The following DNAH11 variants were observed in gnomAD, a reference collection of about 807,000 sequenced individuals.
The protein encoded by DNAH11 is dynein axonemal heavy chain 11.
In DNAH11, 442 loss-of-function variants were observed where a neutral mutation model predicts 526.0. That is an observed-to-expected ratio of 0.84 (90% CI 0.78 to 0.91). DNAH11 has a LOEUF of 0.91. Ranked by LOEUF, DNAH11 falls within the 40% of genes least tolerant of loss-of-function variation. The pLI is 0.00. For synonymous variants in DNAH11, 2,461 were observed against 1,935.9 expected (o/e 1.27, Z -7.12); for missense variants, 6,989 against 5,448.7 (o/e 1.28, Z -8.90).
intron 8 of DNAH11, among the ~76,000 whole-genome samples, chr7:21,575,114 T>C (rs1784039167): frequency 6.6e-6 from 1 of 152,102 alleles, no homozygotes; most frequent in Admixed American, 6.5e-5. Flanking sequence ...TGGCCTCAAG[T>C]GATCCACCTG....
intron 65 of DNAH11, among the ~76,000 whole-genome samples, chr7:21,838,363 T>C (rs1782072833): frequency 6.6e-6 from 1 of 152,206 alleles, no homozygotes; most frequent in African/African-American, 2.4e-5. Context: ...TGTTCCCTTT[T>C]TTTGGTAGCA....
chr7:21,796,242 A>T (rs1032610916), intron 61 of DNAH11, among the ~76,000 whole-genome samples: 7 of 152,212 alleles, frequency 4.6e-5, no homozygotes, highest in Non-Finnish European at 8.8e-5. Context: ...GCAAACGTAG[A>T]TTCAGTGGGC....
chr7:21,779,284 C>T lies in DNAH11; in HGVS notation c.9483+180C>T, dbSNP rs547582521. ...CCACTTGACCTTTCTTTACATTATGCATTTCCCCAACCTTTTAGCTCTTTT... is the reference window on the plus strand; with the variant it reads ...CCACTTGACCTTTCTTTACATTATGTATTTCCCCAACCTTTTAGCTCTTTT... On this transcript the variant is annotated intron_variant, in intron 57 of 81. Transcript: ENST00000409508. Among the ~76,000 whole-genome samples the T allele has an allele frequency of 4.6e-5, 7 of 152,298 alleles. No homozygotes were observed. The South Asian group carries it at 1.2e-3, about 27-fold the overall frequency.
chr7:21,593,421 G>A (rs62441722), intron 14 of DNAH11, among the ~76,000 whole-genome samples: 22,148 of 152,140 alleles, frequency 0.15, 1,649 homozygotes, highest in East Asian at 0.19. Flanking sequence ...TCTGCTGTGT[G>A]GCAAACCAAC....
Position 21,738,879 on chromosome 7 carries a change from C to G in DNAH11, c.7811+13C>G, listed in dbSNP as rs759247741. 6.4e-6 allele frequency: 10 copies of G among 1,564,728 alleles called. No homozygotes were observed. Among genetic ancestry groups the G allele is most frequent in the Non-Finnish European group, 7.8e-6 (9 of 1,159,284 alleles). ...ATTATGGACATTGGTAAGCAAGTCT[C>G]TGTAGTTTACTCTCTCCCAAAATCT... On this transcript the variant is annotated intron_variant, in intron 47 of 81. Transcript: ENST00000409508.
chr7:21,704,209 G>C (rs953962663), intron 37 of DNAH11, among the ~76,000 whole-genome samples: 1 of 152,152 alleles, frequency 6.6e-6, no homozygotes, highest in African/African-American at 2.4e-5. Flanking sequence ...CCTCTTTGCT[G>C]TTCTTATTCT....
At chr7:21,551,623 A>G (rs1036214313) in intron 2 of DNAH11, among the ~76,000 whole-genome samples, 2 of 152,192 alleles carry the variant, frequency 1.3e-5, no homozygotes, top group Admixed American at 1.3e-4. Flanking sequence ...TTCTCACACA[A>G]GAAGTGTTTA....
chr7:21,865,895 A>G (rs1344793002), intron 70 of DNAH11, among the ~76,000 whole-genome samples: 2 of 152,226 alleles, frequency 1.3e-5, no homozygotes, highest in Non-Finnish European at 2.9e-5. Flanking sequence ...TAGACTTTAT[A>G]GGGTAACTTC....
At chr7:21,776,483 G>A (rs1787677011) in intron 56 of DNAH11, among the ~76,000 whole-genome samples, 1 of 152,196 alleles carries the variant, frequency 6.6e-6, no homozygotes, top group African/African-American at 2.4e-5. Context: ...CTAAGGGTCT[G>A]CCTTAAGGAA....
chr7:21,821,543 T>C (rs1247064373), intron 65 of DNAH11, among the ~76,000 whole-genome samples: 1 of 152,156 alleles, frequency 6.6e-6, no homozygotes, highest in African/African-American at 2.4e-5. Flanking sequence ...GAAAACCTAG[T>C]TTCTTAAACA....
chr7:21,861,030 T>C (rs1261440122), intron 68 of DNAH11, among the ~76,000 whole-genome samples: 3 of 152,184 alleles, frequency 2.0e-5, no homozygotes. Context: ...ATGGGAATTA[T>C]GGGAGCTATA....
chr7:21,690,984 G>A, intron 35 of DNAH11, 103 bp downstream of exon 35: 2 of 814,618 alleles, frequency 2.5e-6, no homozygotes, highest in Non-Finnish European at 4.0e-6. Context: ...AATTCCTAAG[G>A]AAAATCCTAT....
intron 20 of DNAH11, among the ~76,000 whole-genome samples, chr7:21,612,085 A>G (rs1785542678): frequency 1.3e-5 from 2 of 152,242 alleles, no homozygotes; most frequent in South Asian, 4.1e-4. Flanking sequence ...TCAAAAATAT[A>G]GAGCACTATT....
chr7:21,695,211 A>G (rs1049675169), intron 35 of DNAH11, among the ~76,000 whole-genome samples: 2 of 152,216 alleles, frequency 1.3e-5, no homozygotes, highest in Admixed American at 6.5e-5. Flanking sequence ...TCAAGCTACC[A>G]TTGACTTTCT....
intron 28 of DNAH11, among the ~76,000 whole-genome samples, chr7:21,639,556 T>C (rs1411254784): frequency 2.0e-5 from 3 of 152,320 alleles, no homozygotes; most frequent in East Asian, 1.9e-4. Flanking sequence ...CCTCTAATTT[T>C]CCCCTATCTC....
intron 18 of DNAH11, among the ~76,000 whole-genome samples, chr7:21,604,765 A>G (rs369639197): frequency 7.2e-5 from 11 of 152,266 alleles, no homozygotes; most frequent in African/African-American, 1.4e-4. Context: ...AGGGGACCTG[A>G]GCTCATGGAT....
intron 20 of DNAH11, among the ~76,000 whole-genome samples, chr7:21,613,893 G>A (rs114818549): frequency 0.07 from 10,557 of 151,482 alleles, 486 homozygotes; most frequent in African/African-American, 0.13. Flanking sequence ...TCAGCCTCCC[G>A]AGTAACTGGG....
At position 21,895,138 on chromosome 7, in the gene DNAH11, C is replaced by T. The variant is rs183710259; in HGVS notation, c.13049+139C>T. 325 of 699,238 alleles carry T rather than the reference C, an allele frequency of 4.6e-4. 1 individual carries two copies. Among genetic ancestry groups the T allele is most frequent in the East Asian group, 8.2e-5 (3 of 36,442 alleles). The allele number at this position is 699,238 out of a possible 1,614,324, so 43.3% of individuals were successfully genotyped here. A position where few individuals can be genotyped will look rare whatever the true frequency, so the allele number is the denominator to read the frequency against. On this transcript the variant is annotated intron_variant, in intron 79 of 81. Transcript: ENST00000409508. ...CCTGTAACCGTAAAAAATTCTTCCACCAATTTCATTTGAGTTTACTTGGTA... is the reference window on the plus strand; with the variant it reads ...CCTGTAACCGTAAAAAATTCTTCCATCAATTTCATTTGAGTTTACTTGGTA...
intron 2 of DNAH11, among the ~76,000 whole-genome samples, chr7:21,551,810 C>T (rs1783034373): frequency 6.6e-6 from 1 of 152,158 alleles, no homozygotes; most frequent in Non-Finnish European, 1.5e-5. Flanking sequence ...TTTTTCTCCT[C>T]TCCTTTCCAT....
Sources: allele counts gnomAD v4.1 joint callset (sites outside exome capture counted in the v4.1 genomes callset), GRCh38; gene constraint gnomAD v4.1.1; transcripts MANE v1.5; gene names NCBI Gene and HGNC (gene_info 2026-07-23, HGNC 2026-07-21).